Variants in ACOX3 observed in about 807,000 individuals in gnomAD.
The protein encoded by ACOX3 is peroxisomal acyl-coenzyme A oxidase 3.
In ACOX3, 73 loss-of-function variants were observed where a neutral mutation model predicts 81.5. That is an observed-to-expected ratio of 0.90 (90% CI 0.74 to 1.09). The LOEUF (loss-of-function observed/expected upper bound fraction) is 1.09. Ranked by LOEUF, ACOX3 falls within the 50% of genes least tolerant of loss-of-function variation. ACOX3 has a pLI of 0.00. For synonymous variants in ACOX3, 387 were observed against 375.1 expected (o/e 1.03, Z -0.37); for missense variants, 947 against 928.0 (o/e 1.02, Z -0.27).
At chr4:8,360,994 G>A in the ACOX3 span, among the ~76,000 whole-genome samples, 12 of 152,032 alleles carry the variant, frequency 7.9e-5, no homozygotes, top group African/African-American at 2.4e-4. Context: ...AATTAACATC[G>A]TCACATGTAA....
At chr4:8,356,567 A>G in the ACOX3 span, 2 of 456,590 alleles carry the variant, frequency 4.4e-6, no homozygotes, top group Admixed American at 4.7e-5. Context: ...GGAAAACCAC[A>G]CACACGTACA....
rs1404183604 is a variant in ACOX3, at chr4:8,382,482, C to A, written c.1538-875G>T. ...GTGCAGACCACCCACATGTGGAGGC[C>A]ACGCTCACACCCACCCCCTGCCCAG... On this transcript the variant is annotated intron_variant, in intron 13 of 17. Transcript: ENST00000356406. This position sits in a 1 kb window ranked among gnomAD's most constrained non-coding sequence, Gnocchi z 4.1. Among the ~76,000 whole-genome samples the A allele has an allele frequency of 6.6e-6, 1 of 152,124 alleles. No individual in the cohort carries two copies. The highest frequency in any genetic ancestry group is 1.5e-5 in the Non-Finnish European group (1 of 68,010).
chr4:8,434,543 G>T (rs1196586103), intron 1 of ACOX3, among the ~76,000 whole-genome samples: 2 of 152,272 alleles, frequency 1.3e-5, no homozygotes, highest in Non-Finnish European at 2.9e-5. Flanking sequence ...TGCCCCCGTG[G>T]AATGCCTCGT....
chr4:8,378,242 G>A (rs1717208530), intron 14 of ACOX3, among the ~76,000 whole-genome samples: 1 of 152,192 alleles, frequency 6.6e-6, no homozygotes, highest in Non-Finnish European at 1.5e-5. Context: ...CTGGGGAAAG[G>A]GTTGGACTCT....
Position 8,408,431 on chromosome 4 carries a change from GC to G in ACOX3, c.687+1780del, listed in dbSNP as rs530618801. Reference sequence around the variant, plus strand: ...GTGGCTCTGGGAGGTGGACTCAGGTGCCCTGAGCACTTGGTGCAGTGGCGAG... The same window carrying G: ...GTGGCTCTGGGAGGTGGACTCAGGTGCCTGAGCACTTGGTGCAGTGGCGAG... On this transcript the variant is annotated intron_variant, in intron 6 of 17. Coordinates refer to ENST00000356406, the MANE Select transcript of ACOX3 (RefSeq NM_003501.3). 1.7e-4 allele frequency among the ~76,000 whole-genome samples: 26 copies of G among 152,260 alleles called. No homozygotes were observed. In the South Asian group the frequency reaches 5.4e-3, roughly 32 times the overall value.
rs768903237 is a variant in ACOX3, at chr4:8,389,614, T to C, written c.1421A>G (p.His474Arg). The change falls in exon 12 of 18, where the codon CAC (histidine) becomes CGC (arginine). Residue 474 changes from histidine to arginine, a missense_variant and splice_region_variant. Physicochemically the swap from His to Arg is conservative, Grantham distance 29. Coordinates refer to ENST00000356406, the MANE Select transcript of ACOX3 (RefSeq NM_003501.3). This position sits in a 1 kb window ranked among gnomAD's most constrained non-coding sequence, Gnocchi z 5.3. The part of the protein sequence containing the change: ...YLLGLLAHQV[H>R]DGACFRSPLK... The stretch of plus-strand genomic sequence containing the variant: ...ACCAGTGTGCAGCAGAGCCTCACCG[T>C]GGACCTGGTGTGCCAGGAGACCCAG... The C allele has an allele frequency of 9.3e-6, 15 of 1,613,746 alleles. No individual in the cohort carries two copies. The highest frequency in any genetic ancestry group is 1.3e-5 in the Non-Finnish European group (15 of 1,180,018).
Position 8,405,219 on chromosome 4 carries a change from T to C in ACOX3, c.776+736A>G, listed in dbSNP as rs1161844033. ...CAAGGCCCTTGCGGCCTGGCCTCCC[T>C]ACCCCGCCTGCATCCCAGCACAGGC... On this transcript the variant is annotated intron_variant, in intron 7 of 17. Coordinates refer to ENST00000356406, the MANE Select transcript of ACOX3 (RefSeq NM_003501.3). This position sits in a 1 kb window ranked among gnomAD's most constrained non-coding sequence, Gnocchi z 7.1. Among the ~76,000 whole-genome samples, 1 of 152,136 alleles carries C rather than the reference T, an allele frequency of 6.6e-6. No homozygotes were observed. The highest frequency in any genetic ancestry group is 2.4e-5 in the African/African-American group (1 of 41,446).
At position 8,400,695 on chromosome 4, in the gene ACOX3, C is replaced by T. The variant is rs1452365894; in HGVS notation, c.777-1043G>A. Among the ~76,000 whole-genome samples the T allele has an allele frequency of 2.6e-5, 4 of 152,124 alleles. No individual in the cohort carries two copies. Among genetic ancestry groups the T allele is most frequent in the Non-Finnish European group, 5.9e-5 (4 of 68,036 alleles). On this transcript the variant is annotated intron_variant, in intron 7 of 17. Coordinates refer to ENST00000356406, the MANE Select transcript of ACOX3 (RefSeq NM_003501.3). The surrounding 1 kb of genome is among the most constrained non-coding windows in gnomAD (Gnocchi z 4.4). ...TGCAAAAACCCCCCAAAACAAACTT[C>T]AAAATATCAATAGTTCCTATAGCAA...
Position 8,389,150 on chromosome 4 carries a change from G to A in ACOX3, c.1537+23C>T. On this transcript the variant is annotated intron_variant, in intron 13 of 17. Transcript: ENST00000356406. This position sits in a 1 kb window ranked among gnomAD's most constrained non-coding sequence, Gnocchi z 5.3. ...ATGACAGGAAATCAGGAGGCCAGGG[G>A]AGCCCTCCACCTGTGTGTTTACCTG... The A allele has an allele frequency of 6.3e-7, 1 of 1,588,404 alleles. No individual in the cohort carries two copies. Among genetic ancestry groups the A allele is most frequent in the East Asian group, 2.2e-5 (1 of 44,728 alleles).
At chr4:8,357,282 G>T in the ACOX3 span, 12 of 456,470 alleles carry the variant, frequency 2.6e-5, no homozygotes, top group Non-Finnish European at 4.4e-5. Flanking sequence ...GGCCCTCGAG[G>T]GGAATGCAGG....
intron 1 of ACOX3, among the ~76,000 whole-genome samples, chr4:8,424,585 G>A (rs1723265060): frequency 6.6e-6 from 1 of 152,198 alleles, no homozygotes. Flanking sequence ...GATGTCTCAT[G>A]ATGTGGACGG....
At chr4:8,426,287 T>C (rs1560206800) in intron 1 of ACOX3, among the ~76,000 whole-genome samples, 1 of 152,044 alleles carries the variant, frequency 6.6e-6, no homozygotes, top group Non-Finnish European at 1.5e-5. Flanking sequence ...CCTAGATACA[T>C]ACTGGGAAGG....
intron 14 of ACOX3, among the ~76,000 whole-genome samples, chr4:8,377,680 G>C (rs1717145474): frequency 6.6e-6 from 1 of 152,230 alleles, no homozygotes; most frequent in African/African-American, 2.4e-5. Flanking sequence ...CACCGGGGGG[G>C]ACACAGGCTC....
chr4:8,410,438 A>C, intron 5 of ACOX3, 83 bp from the exon 6 acceptor site: 7 of 1,520,934 alleles, frequency 4.6e-6, no homozygotes, highest in Non-Finnish European at 6.3e-6. Context: ...GACAGATTCC[A>C]TTTTCTACGT....
intron 7 of ACOX3, among the ~76,000 whole-genome samples, chr4:8,403,449 A>G (rs1720581948): frequency 6.6e-6 from 1 of 152,188 alleles, no homozygotes; most frequent in Non-Finnish European, 1.5e-5. Flanking sequence ...GCTGGCTCCC[A>G]TCCCAGCCCA....
Position 8,374,972 on chromosome 4 carries a change from C to T in ACOX3, c.1828+6G>A, listed in dbSNP as rs373266144. The T allele has an allele frequency of 2.1e-5, 31 of 1,503,104 alleles. No homozygotes were observed. The African/African-American group carries it at 3.5e-4, about 17-fold the overall frequency. The allele number at this position is 1,503,104 out of a possible 1,614,324, so 93.1% of individuals were successfully genotyped here. On this transcript the variant is annotated splice_donor_region_variant and intron_variant, in intron 15 of 17. Transcript: ENST00000356406. ...AGGACAGCAAGCCCGCAGTCAGAAG[C>T]CTCACCTCGGTAGAGCAGGGCCGCG...
the ACOX3 span, among the ~76,000 whole-genome samples, chr4:8,359,543 G>A: frequency 6.6e-6 from 1 of 152,146 alleles, no homozygotes; most frequent in East Asian, 1.9e-4. The surrounding 1 kb of genome is among the most constrained non-coding windows in gnomAD (Gnocchi z 6.0). Context: ...TATTCTCTTG[G>A]GATTAATCTG....
At chr4:8,360,764 G>A in the ACOX3 span, among the ~76,000 whole-genome samples, 6 of 152,200 alleles carry the variant, frequency 3.9e-5, no homozygotes, top group Middle Eastern at 3.4e-3. Flanking sequence ...GAGCCACTGC[G>A]CCCAACCTGA....
intron 1 of ACOX3, among the ~76,000 whole-genome samples, chr4:8,438,577 TAAGA>T (rs1030947890): frequency 9.8e-5 from 15 of 152,296 alleles, no homozygotes; most frequent in African/African-American, 2.9e-4. Context: ...GAATTAACCT[TAAGA>T]AAGCAAATGC....
Sources: gnomAD v4.1 joint callset for allele counts (sites outside exome capture counted in the v4.1 genomes callset) on GRCh38, gnomAD v4.1.1 for gene constraint, Gnocchi (gnomAD v3.1) non-coding constraint, MANE v1.5 for transcripts, NCBI Gene and HGNC (gene_info 2026-07-23, HGNC 2026-07-21) for gene names.